Variants in CPNE4 observed in about 807,000 individuals in gnomAD.
CPNE4 encodes copine 4, also known as copine-4.
Under a neutral mutation model 67.9 loss-of-function variants are expected in CPNE4, and 25 were observed. The observed-to-expected ratio is 0.37, with a 90% CI of 0.27 to 0.51. The LOEUF is 0.51. Ranked by LOEUF, CPNE4 falls within the 20% of genes least tolerant of loss-of-function variation. The pLI, the probability that CPNE4 is intolerant of heterozygous loss-of-function variation, is 0.93. For missense variants in CPNE4, 464 were observed against 690.8 expected (o/e 0.67, Z 3.68); for synonymous variants, 242 against 244.9 (o/e 0.99, Z 0.11).
intron 6 of CPNE4, among the ~76,000 whole-genome samples, chr3:131,684,487 C>A (rs1474437579): frequency 6.6e-6 from 1 of 152,092 alleles, no homozygotes; most frequent in Non-Finnish European, 1.5e-5. Context: ...TTTTAGATAT[C>A]AACTTTGTAT....
At chr3:131,749,716 T>TGG (rs1032401276) in intron 2 of CPNE4, among the ~76,000 whole-genome samples, 8 of 152,182 alleles carry the variant, frequency 5.3e-5, no homozygotes, top group Non-Finnish European at 1.0e-4. Context: ...CTCTCTTTTT[T>TGG]GGCAATTTTC....
intron 7 of CPNE4, among the ~76,000 whole-genome samples, chr3:131,614,503 G>GA (rs35633833): frequency 2.0e-5 from 3 of 152,012 alleles, no homozygotes; most frequent in African/African-American, 7.2e-5. Flanking sequence ...CTTGTGCCAG[G>GA]AAAAAAAGTA....
intron 2 of CPNE4, among the ~76,000 whole-genome samples, chr3:131,844,038 G>A (rs2085899275): frequency 6.6e-6 from 1 of 152,056 alleles, no homozygotes; most frequent in African/African-American, 2.4e-5. Context: ...ACAGAAAGAT[G>A]GAGAGGGAAA....
At chr3:131,892,780 A>C (rs2088167554) in intron 2 of CPNE4, among the ~76,000 whole-genome samples, 4 of 152,012 alleles carry the variant, frequency 2.6e-5, no homozygotes, top group Admixed American at 2.0e-4. Context: ...TAACTACAAG[A>C]CTCTTTGTAT....
chr3:131,991,897 C>A (rs2073182951), intron 1 of CPNE4, among the ~76,000 whole-genome samples: 1 of 136,264 alleles, frequency 7.3e-6, no homozygotes, highest in African/African-American at 2.5e-5. Flanking sequence ...CAGGCTGTGG[C>A]TTCAGAGGGT....
At chr3:131,896,675 G>A (rs1251130164) in intron 2 of CPNE4, among the ~76,000 whole-genome samples, 1 of 152,048 alleles carries the variant, frequency 6.6e-6, no homozygotes, top group African/African-American at 2.4e-5. Context: ...GAAGTGAAGA[G>A]TGCAGGTCCC....
chr3:131,657,530 GTA>G (rs1323131592), intron 7 of CPNE4, among the ~76,000 whole-genome samples: 4 of 111,970 alleles, frequency 3.6e-5, no homozygotes, highest in Non-Finnish European at 3.5e-5. Flanking sequence ...AGAATTATCT[GTA>G]TTTTTTTTTT....
chr3:131,570,804 A>T (rs567798624), intron 10 of CPNE4, among the ~76,000 whole-genome samples: 1 of 152,190 alleles, frequency 6.6e-6, no homozygotes, highest in South Asian at 2.1e-4. Context: ...TCAAGTGTTC[A>T]GGTGACCAAA....
intron 7 of CPNE4, among the ~76,000 whole-genome samples, chr3:131,656,936 T>C (rs16837372): frequency 0.06 from 9,174 of 152,180 alleles, 634 homozygotes; most frequent in East Asian, 0.35. Context: ...ATCAGGATCT[T>C]CTAGAAATGT....
At chr3:131,563,584 A>T (rs1194585622) in intron 11 of CPNE4, among the ~76,000 whole-genome samples, 1 of 152,016 alleles carries the variant, frequency 6.6e-6, no homozygotes, top group African/African-American at 2.4e-5. Flanking sequence ...GCAAACATAC[A>T]CATGCACCTG....
In CPNE4 at chr3:131,723,554, G is replaced by A. The variant is rs761367545; in HGVS notation, c.252C>T (p.Tyr84=). The part of the protein sequence containing the change: ...VYSKLFTVDF[Y]FEEVQRLRFE... Reference sequence around the variant, plus strand: ...ACCGCAGGCGCTGCACCTCCTCAAAGTAAAAGTCCACAGTAAACAGTTTTG... The same window carrying A: ...ACCGCAGGCGCTGCACCTCCTCAAAATAAAAGTCCACAGTAAACAGTTTTG... The change falls in exon 3 of 16, where the codon TAC becomes TAT. Residue 84 remains tyrosine (Y), a synonymous_variant. Transcript: ENST00000429747. The A allele has an allele frequency of 1.9e-6, 3 of 1,614,158 alleles. No individual in the cohort carries two copies. Among genetic ancestry groups the A allele is most frequent in the Admixed American group, 3.3e-5 (2 of 60,032 alleles).
At position 131,994,026 on chromosome 3, in the gene CPNE4, A is replaced by G. The variant is rs1163447912; in HGVS notation, c.-2+40541T>C. On this transcript the variant is annotated intron_variant, in intron 1 of 15. Transcript: ENST00000429747. ...TCAATGACATTTCTATATATTAGCTATGGAATGGAAAATTTGCATTTTGCA... is the reference window on the plus strand; with the variant it reads ...TCAATGACATTTCTATATATTAGCTGTGGAATGGAAAATTTGCATTTTGCA... 1.5e-5 allele frequency among the ~76,000 whole-genome samples: 2 copies of G among 136,520 alleles called. 1 individual carries two copies. The highest frequency in any genetic ancestry group is 4.7e-4 in the East Asian group (2 of 4,272). 89.6% of individuals were successfully genotyped at this position (136,520 alleles called of 152,430 possible).
intron 1 of CPNE4, among the ~76,000 whole-genome samples, chr3:131,987,857 T>A (rs990477816): frequency 6.6e-6 from 1 of 152,208 alleles, no homozygotes; most frequent in African/African-American, 2.4e-5. Flanking sequence ...GGCTCTAGAC[T>A]AGTGTCAGGG....
intron 1 of CPNE4, among the ~76,000 whole-genome samples, chr3:131,959,443 T>C (rs2072100852): frequency 1.3e-5 from 2 of 152,288 alleles, no homozygotes. Flanking sequence ...GTTCAAACAC[T>C]GTACTTTCAG....
intron 10 of CPNE4, 50 bp from the exon 11 acceptor site, chr3:131,564,399 C>T (rs1301420875): frequency 1.3e-6 from 2 of 1,565,970 alleles, no homozygotes. Context: ...GATGCATCTC[C>T]TAAGAATTGT....
chr3:132,022,185 G>A (rs1293985965), intron 1 of CPNE4, among the ~76,000 whole-genome samples: 1 of 152,212 alleles, frequency 6.6e-6, no homozygotes, highest in Non-Finnish European at 1.5e-5. Context: ...CATTCCCTGG[G>A]CAGGGGTAGG....
chr3:131,549,915 TC>T, intron 14 of CPNE4, 31 bp downstream of exon 14: 1 of 1,610,426 alleles, frequency 6.2e-7, no homozygotes, highest in Non-Finnish European at 8.5e-7. Context: ...AAGAGTAAGC[TC>T]CCCTTAGGAG....
At chr3:131,849,219 T>G (rs562364493) in intron 2 of CPNE4, among the ~76,000 whole-genome samples, 6 of 152,254 alleles carry the variant, frequency 3.9e-5, no homozygotes, top group African/African-American at 1.4e-4. Flanking sequence ...CCATGTCACT[T>G]CCTTTGTCCA....
chr3:131,644,120 G>A (rs2079604423), intron 7 of CPNE4, among the ~76,000 whole-genome samples: 1 of 151,882 alleles, frequency 6.6e-6, no homozygotes, highest in African/African-American at 2.4e-5. Context: ...GCTTTAGTAG[G>A]TCTTAGGTGG....
Sources: allele counts gnomAD v4.1 joint callset (sites outside exome capture counted in the v4.1 genomes callset), GRCh38; gene constraint gnomAD v4.1.1; transcripts MANE v1.5; gene names NCBI Gene and HGNC (gene_info 2026-07-23, HGNC 2026-07-21).